GPRIN2: variants seen among roughly 807,000 people sequenced by gnomAD.
GPRIN2 encodes the protein G protein-regulated inducer of neurite outgrowth 2.
Under a neutral mutation model 0.3 loss-of-function variants are expected in GPRIN2, and 1 was observed. The observed-to-expected ratio is 3.90, with a 90% CI of 1.39 to 18.51. The LOEUF is 18.51. GPRIN2 is among the 30% of genes most tolerant of loss of function. The pLI, the probability that GPRIN2 is intolerant of heterozygous loss-of-function variation, is 0.11. For synonymous variants in GPRIN2, 361 were observed against 258.6 expected, an observed-to-expected ratio of 1.40 and a Z score of -3.80; for missense variants, 880 against 604.2, an observed-to-expected ratio of 1.46 and a Z score of -4.79.
rs1229124089 is a variant in GPRIN2, at chr10:46,547,111, C to T, written c.*2249G>A. 6.6e-6 allele frequency among the ~76,000 whole-genome samples: 1 copy of T among 152,310 alleles called. No homozygotes were observed. Among genetic ancestry groups the T allele is most frequent in the Non-Finnish European group, 1.5e-5 (1 of 68,056 alleles). ...CTGCACCTGCTGAACATGCCATTCA[C>T]CTTGACCCAGGTAGTGGCCTCACCC... is the stretch of plus-strand genomic sequence containing the variant. On this transcript the variant is annotated 3_prime_UTR_variant, in exon 3 of 3. Transcript: ENST00000374314.
Position 46,549,244 on chromosome 10 carries a change from G to T in GPRIN2, c.*116C>A. ...GTGGTCTGGAGGCAGCCAATATTCA[G>T]GTGAGAGATGTGCCCAGCTGCCGGT... is the stretch of plus-strand genomic sequence containing the variant. On this transcript the variant is annotated 3_prime_UTR_variant, in exon 3 of 3. Coordinates refer to ENST00000374314, the MANE Select transcript of GPRIN2 (RefSeq NM_001385282.1). 1 of 1,316,542 alleles carries T rather than the reference G, an allele frequency of 7.6e-7. No individual in the cohort carries two copies. The highest frequency in any genetic ancestry group is 1.0e-6 in the Non-Finnish European group (1 of 996,018). The allele number at this position is 1,316,542 out of a possible 1,614,324, so 81.6% of individuals were successfully genotyped here.
At position 46,545,420 on chromosome 10, in the gene GPRIN2, C is replaced by A. The variant is rs1842071504; in HGVS notation, c.*3940G>T. 6.6e-6 allele frequency among the ~76,000 whole-genome samples: 1 copy of A among 152,310 alleles called. No homozygotes were observed. The highest frequency in any genetic ancestry group is 6.5e-5 in the Admixed American group (1 of 15,294). ...GTCTGACTTGGACTGAAATCACACCCTGCCTTGCCTTCTGCCCCTCCCTTA... is the reference window on the plus strand; with the variant it reads ...GTCTGACTTGGACTGAAATCACACCATGCCTTGCCTTCTGCCCCTCCCTTA... On this transcript the variant is annotated 3_prime_UTR_variant, in exon 3 of 3. Coordinates refer to ENST00000374314, the MANE Select transcript of GPRIN2 (RefSeq NM_001385282.1).
rs1832566151 is a variant in GPRIN2 at position 46,549,876 on chromosome 10, A to C, written c.861T>G (p.Pro287=). 2 of 1,614,268 alleles carry C rather than the reference A, an allele frequency of 1.2e-6. No homozygotes were observed. Among genetic ancestry groups the C allele is most frequent in the South Asian group, 2.2e-5 (2 of 91,092 alleles). Residue 287 remains proline, a synonymous_variant, in exon 3 of 3, where the codon CCT becomes CCG. Coordinates refer to ENST00000374314, the MANE Select transcript of GPRIN2 (RefSeq NM_001385282.1). ...GGTGGGCACAGCAATGGGAATGCCC[A>C]GGGAGCCCCCCAGACAACCTACAGT... ...KIHCRLSGGL[P]GHSHCCAHLW...
At chr10:46,557,183 C>G (rs1413732196), upstream of GPRIN2, among the ~76,000 whole-genome samples, 1 of 152,308 alleles carries the variant, frequency 6.6e-6, no homozygotes, top group East Asian at 1.9e-4. Context: ...CCTATAGGGC[C>G]CTTTCGTCTG....
rs1832883461 is a variant in GPRIN2 at position 46,546,815 on chromosome 10, C to T, written c.*2545G>A. ...AGGGAGACAAGGATCGTGGTTTAGC[C>T]AGGAGAATCATCTGGGGCCCCAGCC... On this transcript the variant is annotated 3_prime_UTR_variant, in exon 3 of 3. Coordinates refer to ENST00000374314, the MANE Select transcript of GPRIN2 (RefSeq NM_001385282.1). 6.6e-6 allele frequency among the ~76,000 whole-genome samples: 1 copy of T among 152,430 alleles called. No individual in the cohort carries two copies. Among genetic ancestry groups the T allele is most frequent in the South Asian group, 2.1e-4 (1 of 4,834 alleles).
At position 46,545,760 on chromosome 10, in the gene GPRIN2, G is replaced by A. The variant is rs1832930650; in HGVS notation, c.*3600C>T. Among the ~76,000 whole-genome samples the A allele has an allele frequency of 1.3e-5, 2 of 152,420 alleles. No homozygotes were observed. The highest frequency in any genetic ancestry group is 3.4e-3 in the Middle Eastern group (1 of 294). On this transcript the variant is annotated 3_prime_UTR_variant, in exon 3 of 3. Coordinates refer to ENST00000374314, the MANE Select transcript of GPRIN2 (RefSeq NM_001385282.1). ...GAGGGGTGCCCAACACTACCAGCCT[G>A]TGTGCTGAGCACTAACTCAGTGCCA...
rs1832334869 is a variant in GPRIN2, at chr10:46,550,536, G to C, written c.201C>G (p.Asn67Lys). Reference protein sequence around the residue: ...TRPQAPEEEGNPPESMKPARA... With the variant: ...TRPQAPEEEGKPPESMKPARA... ...GTGCTGGCTTCATGCTCTCAGGCGG[G>C]TTCCCCTCTTCCTCCGGGGCCTGGG... Residue 67 changes from asparagine to lysine, a missense_variant, in exon 3 of 3, where the codon AAC becomes AAG. Coordinates refer to ENST00000374314, the MANE Select transcript of GPRIN2 (RefSeq NM_001385282.1). 6.3e-7 allele frequency: 1 copy of C among 1,593,442 alleles called. No homozygotes were observed. Among genetic ancestry groups the C allele is most frequent in the Non-Finnish European group, 8.6e-7 (1 of 1,169,048 alleles).
chr10:46,550,798 C>G lies in GPRIN2; in HGVS notation c.-6-56G>C, dbSNP rs1832242434. ...TTGAGTTGGGTGGCAGCACCTAAGC[C>G]GATTCTACTATGAACTCCCACAGTG... is the stretch of plus-strand genomic sequence containing the variant. On this transcript the variant is annotated intron_variant, in intron 2 of 2. Transcript: ENST00000374314. 7.5e-6 allele frequency: 11 copies of G among 1,474,598 alleles called. No individual in the cohort carries two copies. In the African/African-American group the frequency reaches 1.4e-4, roughly 19 times the overall value. The allele number at this position is 1,474,598 out of a possible 1,614,324, so 91.3% of individuals were successfully genotyped here.
chr10:46,550,472 G>A lies in GPRIN2; in HGVS notation c.265C>T (p.His89Tyr). Residue 89 changes from histidine to tyrosine, a missense_variant, in exon 3 of 3, where the codon CAC becomes TAC. His to Tyr is a moderately conservative substitution (Grantham distance 83). Coordinates refer to ENST00000374314, the MANE Select transcript of GPRIN2 (RefSeq NM_001385282.1). ...GPKARPSAGG[H>Y]WWSSTVGNVS... ...TTGCCCACAGTGCTGCTCCACCAGT[G>A]GCCTCCAGCACTGGGTCGCGCCTTG... 1 of 1,611,344 alleles carries A rather than the reference G, an allele frequency of 6.2e-7. No individual in the cohort carries two copies. Among genetic ancestry groups the A allele is most frequent in the African/African-American group, 1.3e-5 (1 of 75,064 alleles).
chr10:46,543,408 G>A lies in GPRIN2; in HGVS notation c.*5952C>T, dbSNP rs1007843515. ...AACATGAAACCACAAAAGAAGAACA[G>A]ATTAAAGAGAAATGGGGGATGGGGA... On this transcript the variant is annotated 3_prime_UTR_variant, in exon 3 of 3. Coordinates refer to ENST00000374314, the MANE Select transcript of GPRIN2 (RefSeq NM_001385282.1). Among the ~76,000 whole-genome samples the A allele has an allele frequency of 3.9e-5, 6 of 152,302 alleles. No homozygotes were observed. The highest frequency in any genetic ancestry group is 8.8e-5 in the Non-Finnish European group (6 of 68,054).
Position 46,549,612 on chromosome 10 carries a change from C to A in GPRIN2, c.1125G>T (p.Val375=). Residue 375 remains valine, a synonymous_variant, in exon 3 of 3, where the codon GTG becomes GTT. Transcript: ENST00000374314. ...ATCGCACATCCCGCACAGGGGACGGCACCTCCTCCAGGCTGGACCCCAGAG... is the reference window on the plus strand; with the variant it reads ...ATCGCACATCCCGCACAGGGGACGGAACCTCCTCCAGGCTGGACCCCAGAG... ...EVTLGSSLEE[V]PSPVRDVRWD... 1 of 1,614,050 alleles carries A rather than the reference C, an allele frequency of 6.2e-7. No individual in the cohort carries two copies. Among genetic ancestry groups the A allele is most frequent in the South Asian group, 1.1e-5 (1 of 91,090 alleles).
chr10:46,552,477 C>T (rs1238647921), intron 2 of GPRIN2, among the ~76,000 whole-genome samples: 3 of 152,306 alleles, frequency 2.0e-5, no homozygotes, highest in South Asian at 2.1e-4. Flanking sequence ...AGAGGAAATT[C>T]GGGAAGGGCT....
At position 46,543,492 on chromosome 10, in the gene GPRIN2, G is replaced by T. The variant is rs1833029939; in HGVS notation, c.*5868C>A. Among the ~76,000 whole-genome samples the T allele has an allele frequency of 8.5e-5, 13 of 152,294 alleles. No homozygotes were observed. The highest frequency in any genetic ancestry group is 8.5e-4 in the Admixed American group (13 of 15,278). ...AGCAGAGGTCCCCCGACTGTCCTTGGCTGTGTGCACACAGAGGTGCTGCAG... is the reference window on the plus strand; with the variant it reads ...AGCAGAGGTCCCCCGACTGTCCTTGTCTGTGTGCACACAGAGGTGCTGCAG... On this transcript the variant is annotated 3_prime_UTR_variant, in exon 3 of 3. Transcript: ENST00000374314.
chr10:46,548,964 G>C lies in GPRIN2; in HGVS notation c.*396C>G, dbSNP rs1832774083. 27 of 244,612 alleles carry C rather than the reference G, an allele frequency of 1.1e-4. No individual in the cohort carries two copies. Among genetic ancestry groups the C allele is most frequent in the Non-Finnish European group, 2.0e-4 (25 of 126,200 alleles). 15.2% of individuals were successfully genotyped at this position (244,612 alleles called of 1,614,324 possible). ...TCACTGGGGCCTCACATTTCATGTCGAGAATTCACTATTTCTCAGCACTGA... is the reference window on the plus strand; with the variant it reads ...TCACTGGGGCCTCACATTTCATGTCCAGAATTCACTATTTCTCAGCACTGA... On this transcript the variant is annotated 3_prime_UTR_variant, in exon 3 of 3. Transcript: ENST00000374314.
chr10:46,550,737 G>T lies in GPRIN2; in HGVS notation c.-1C>A. 6.6e-7 allele frequency: 1 copy of T among 1,507,180 alleles called. No homozygotes were observed. Among genetic ancestry groups the T allele is most frequent in the Non-Finnish European group, 8.8e-7 (1 of 1,130,268 alleles). 93.4% of individuals were successfully genotyped at this position (1,507,180 alleles called of 1,614,324 possible). A position where few individuals can be genotyped will look rare whatever the true frequency, so the allele number is the denominator to read the frequency against. ...CCGGCTCGGGGCGGCTGGAGCTCAT[G>T]GCTGCCTGCAGAAGAGAGAAAGGGA... On this transcript the variant is annotated 5_prime_UTR_variant, in exon 3 of 3. Coordinates refer to ENST00000374314, the MANE Select transcript of GPRIN2 (RefSeq NM_001385282.1).
In GPRIN2 at chr10:46,549,571, A is replaced by C. The variant is rs1555017498; in HGVS notation, c.1166T>G (p.Met389Arg). 1 of 1,614,162 alleles carries C rather than the reference A, an allele frequency of 6.2e-7. No homozygotes were observed. The highest frequency in any genetic ancestry group is 1.1e-5 in the South Asian group (1 of 91,084). ...VRDVRWDAEG[M>R]TWEVYGAAVD... ...CGCAGCTCCGTACACCTCCCATGTC[A>C]TGCCCTCAGCATCCCATCGCACATC... Residue 389 changes from methionine to arginine, a missense_variant, in exon 3 of 3, where the codon ATG becomes AGG. Met to Arg is a moderately conservative substitution (Grantham distance 91). Coordinates refer to ENST00000374314, the MANE Select transcript of GPRIN2 (RefSeq NM_001385282.1).
At chr10:46,551,704 C>T (rs1185244906) in intron 2 of GPRIN2, among the ~76,000 whole-genome samples, 5 of 152,308 alleles carry the variant, frequency 3.3e-5, no homozygotes, top group African/African-American at 7.2e-5. Flanking sequence ...TCCGTACCAT[C>T]GCTGTCACTT....
upstream of GPRIN2, among the ~76,000 whole-genome samples, chr10:46,556,945 A>G (rs1831783086): frequency 1.3e-5 from 2 of 152,162 alleles, no homozygotes; most frequent in South Asian, 2.1e-4. Flanking sequence ...TCCCGGGTGT[A>G]TAGGCGCAGC....
At chr10:46,556,898 C>T (rs1831785447), upstream of GPRIN2, among the ~76,000 whole-genome samples, 648 of 152,094 alleles carry the variant, frequency 4.3e-3, no homozygotes, top group Non-Finnish European at 7.4e-3. Context: ...GCCCAGCGAA[C>T]CCCCAAGACT....
Sources: allele counts gnomAD v4.1 joint callset (sites outside exome capture counted in the v4.1 genomes callset), GRCh38; gene constraint gnomAD v4.1.1; transcripts MANE v1.5; gene names NCBI Gene and HGNC (gene_info 2026-07-23, HGNC 2026-07-21).